Variants in EPHA5 observed in about 807,000 individuals in gnomAD.
EPHA5 encodes the protein EPH receptor A5.
EPHA5 carries 60 observed loss-of-function variants against 105.0 expected under a neutral mutation model. The observed-to-expected ratio is 0.57, with a 90% CI of 0.46 to 0.71. EPHA5 has a LOEUF of 0.71. Ranked by LOEUF, EPHA5 falls within the 30% of genes least tolerant of loss-of-function variation. The probability of loss-of-function intolerance (pLI) is 0.00; values close to 1 mark genes in which losing one functional copy is unlikely to be tolerated. For missense variants in EPHA5, 1,218 were observed against 1,274.7 expected (o/e 0.96, Z 0.68); for synonymous variants, 513 against 449.1 (o/e 1.14, Z -1.80).
At chr4:65,666,360 G>A (rs76685875) in intron 1 of EPHA5, among the ~76,000 whole-genome samples, 1,909 of 152,256 alleles carry the variant, frequency 0.013, 40 homozygotes, top group African/African-American at 0.043. Context: ...ATGCAGGGCT[G>A]TTCAGCAGTA....
intron 14 of EPHA5, among the ~76,000 whole-genome samples, chr4:65,342,391 G>A (rs1721816185): frequency 1.3e-5 from 2 of 152,030 alleles, no homozygotes; most frequent in Non-Finnish European, 2.9e-5. Context: ...CAAATAATTC[G>A]CTTACTGTCA....
chr4:65,372,690 C>T (rs888316749), intron 8 of EPHA5, among the ~76,000 whole-genome samples: 1 of 151,836 alleles, frequency 6.6e-6, no homozygotes, highest in Admixed American at 6.6e-5. Flanking sequence ...TTTCTGAGTT[C>T]TTATCTCACA....
chr4:65,337,747 A>G (rs1162523563), intron 14 of EPHA5, among the ~76,000 whole-genome samples: 1 of 152,076 alleles, frequency 6.6e-6, no homozygotes. Context: ...AGCTGGACTG[A>G]TAATATAAAG....
chr4:65,355,320 A>G (rs1253901306), intron 11 of EPHA5, among the ~76,000 whole-genome samples: 2 of 151,722 alleles, frequency 1.3e-5, no homozygotes, highest in Non-Finnish European at 3.0e-5. Context: ...TTTAGGTTGT[A>G]TTTGTAAATG....
At chr4:65,551,002 A>T (rs760577856) in intron 3 of EPHA5, among the ~76,000 whole-genome samples, 3 of 151,332 alleles carry the variant, frequency 2.0e-5, no homozygotes, top group African/African-American at 7.3e-5. Context: ...TTTGTGCATT[A>T]TATATATATA....
intron 5 of EPHA5, among the ~76,000 whole-genome samples, chr4:65,454,911 ACT>A (rs915014621): frequency 7.2e-5 from 11 of 152,002 alleles, no homozygotes; most frequent in African/African-American, 2.7e-4. Context: ...CTCACCTCTG[ACT>A]CTCTCTCTTT....
At chr4:65,475,254 T>C (rs1729681234) in intron 5 of EPHA5, among the ~76,000 whole-genome samples, 1 of 152,178 alleles carries the variant, frequency 6.6e-6, no homozygotes, top group Non-Finnish European at 1.5e-5. Context: ...GCTTAATATC[T>C]TTAAAAATGT....
chr4:65,654,234 C>G (rs1307569810), intron 1 of EPHA5, among the ~76,000 whole-genome samples: 2 of 136,824 alleles, frequency 1.5e-5, no homozygotes, highest in Non-Finnish European at 3.2e-5. Context: ...CCTCCAACTT[C>G]TTTCTTGAAA....
chr4:65,579,377 A>ATAAAT (rs1560727039), intron 3 of EPHA5, among the ~76,000 whole-genome samples: 22 of 92,304 alleles, frequency 2.4e-4, no homozygotes, highest in African/African-American at 5.1e-4. Flanking sequence ...TATATATATA[A>ATAAAT]ATATATATAT....
intron 3 of EPHA5, among the ~76,000 whole-genome samples, chr4:65,546,633 G>T (rs1178803025): frequency 6.6e-6 from 1 of 151,712 alleles, no homozygotes; most frequent in Non-Finnish European, 1.5e-5. Context: ...TTCTAATTTT[G>T]CTCAAAGTTA....
chr4:65,408,908 T>A (rs1373721526), intron 7 of EPHA5, among the ~76,000 whole-genome samples: 21 of 152,180 alleles, frequency 1.4e-4, no homozygotes, highest in Admixed American at 3.3e-4. Flanking sequence ...TATTAAGGCA[T>A]TATTAACAAT....
intron 2 of EPHA5, among the ~76,000 whole-genome samples, chr4:65,642,841 T>C (rs1396155106): frequency 6.6e-6 from 1 of 151,994 alleles, no homozygotes; most frequent in Non-Finnish European, 1.5e-5. Flanking sequence ...GATATTATAA[T>C]AGTTTCTTGG....
intron 11 of EPHA5, among the ~76,000 whole-genome samples, chr4:65,364,500 C>T (rs1717657085): frequency 6.6e-6 from 1 of 151,572 alleles, no homozygotes; most frequent in South Asian, 2.1e-4. Context: ...GCTTTCACAA[C>T]AACAAAAATT....
At chr4:65,667,256 A>G (rs540618857) in intron 1 of EPHA5, among the ~76,000 whole-genome samples, 2 of 152,368 alleles carry the variant, frequency 1.3e-5, no homozygotes, top group East Asian at 3.9e-4. Context: ...TGGAGAAACA[A>G]GAAGAGAAGA....
intron 4 of EPHA5, among the ~76,000 whole-genome samples, chr4:65,493,530 C>T (rs1377132235): frequency 2.6e-5 from 4 of 152,054 alleles, no homozygotes; most frequent in Admixed American, 1.3e-4. Context: ...ATGAATGCAA[C>T]TAAAAACATA....
intron 3 of EPHA5, among the ~76,000 whole-genome samples, chr4:65,588,419 G>T (rs1051741110): frequency 6.6e-6 from 1 of 151,970 alleles, no homozygotes; most frequent in Non-Finnish European, 1.5e-5. Context: ...CTCAGCTTTC[G>T]TTCCATTCCC....
intron 3 of EPHA5, among the ~76,000 whole-genome samples, chr4:65,519,579 G>A (rs1383198117): frequency 1.3e-5 from 2 of 152,034 alleles, no homozygotes; most frequent in South Asian, 4.1e-4. Flanking sequence ...GAAAGAGGAA[G>A]TCAAATTGTC....
intron 1 of EPHA5, among the ~76,000 whole-genome samples, chr4:65,647,251 C>G (rs1023974087): frequency 1.4e-5 from 2 of 145,838 alleles, no homozygotes; most frequent in Non-Finnish European, 3.0e-5. Context: ...ATGGTGTGAA[C>G]CTGGGAGGCG....
intron 3 of EPHA5, among the ~76,000 whole-genome samples, chr4:65,552,423 G>GA (rs1738010426): frequency 6.6e-6 from 1 of 152,150 alleles, no homozygotes; most frequent in Non-Finnish European, 1.5e-5. Flanking sequence ...CATGAAATCG[G>GA]AAAATCAGAT....
Sources: allele counts gnomAD v4.1 joint callset (sites outside exome capture counted in the v4.1 genomes callset), GRCh38; gene constraint gnomAD v4.1.1; transcripts MANE v1.5; gene names NCBI Gene and HGNC (gene_info 2026-07-23, HGNC 2026-07-21).